Variants in CPEB3 observed in about 807,000 individuals in gnomAD.
CPEB3 encodes the protein cytoplasmic polyadenylation element binding protein 3, also known as cytoplasmic polyadenylation element-binding protein 3.
In CPEB3, 20 loss-of-function variants were observed where a neutral mutation model predicts 67.2. That is an observed-to-expected ratio of 0.30 (90% confidence interval 0.21 to 0.43). CPEB3 has a LOEUF of 0.43. Ranked by LOEUF, CPEB3 falls within the 20% of genes least tolerant of loss-of-function variation. The pLI, the probability that CPEB3 is intolerant of heterozygous loss-of-function variation, is 1.00. For synonymous variants in CPEB3, 376 were observed against 393.1 expected, an observed-to-expected ratio of 0.96 and a Z score of 0.51; for missense variants, 746 against 968.6, an observed-to-expected ratio of 0.77 and a Z score of 3.05.
chr10:92,090,653 T>C (rs1318210230), intron 8 of CPEB3, among the ~76,000 whole-genome samples: 4 of 152,212 alleles, frequency 2.6e-5, no homozygotes, highest in Non-Finnish European at 4.4e-5. Flanking sequence ...AGGATTTCTG[T>C]CCCTCTCCAC....
intron 8 of CPEB3, among the ~76,000 whole-genome samples, chr10:92,081,798 T>C (rs184282286): frequency 6.6e-6 from 1 of 152,206 alleles, no homozygotes; most frequent in African/African-American, 2.4e-5. Context: ...CCTGTTCTAA[T>C]TTCTAATTGC....
chr10:92,056,338 A>C (rs1842110909), intron 9 of CPEB3, among the ~76,000 whole-genome samples: 1 of 152,236 alleles, frequency 6.6e-6, no homozygotes, highest in Non-Finnish European at 1.5e-5. Flanking sequence ...AGATGGAAGA[A>C]TAGAAGTCTC....
In CPEB3 at chr10:92,081,490, T is replaced by C. The variant is rs766935236; in HGVS notation, c.1699A>G (p.Met567Val). 3.1e-6 allele frequency: 5 copies of C among 1,612,630 alleles called. No homozygotes were observed. The highest frequency in any genetic ancestry group is 4.5e-5 in the East Asian group (2 of 44,874). The change falls in exon 9 of 10, where the codon ATG becomes GTG. Residue 567 changes from methionine (M) to valine (V), a missense_variant. Physicochemically the swap from Met to Val is conservative, Grantham distance 21. Coordinates refer to ENST00000265997, the MANE Select transcript of CPEB3 (RefSeq NM_014912.5). The stretch of plus-strand genomic sequence containing the variant: ...CCACCGTACAAACGGTCCATGATCA[T>C]TGCCAGTTCAACTGCAAAAAAAAAA... ...PRPLRAVELA[M>V]IMDRLYGGVC...
At chr10:92,120,098 CAAA>C (rs34785763) in intron 6 of CPEB3, among the ~76,000 whole-genome samples, 6 of 45,282 alleles carry the variant, frequency 1.3e-4, no homozygotes, top group Non-Finnish European at 1.9e-4. Context: ...ACTAAAAATA[CAAA>C]AAAAAAAAAA....
chr10:92,114,491 A>G (rs1181994507), intron 6 of CPEB3, among the ~76,000 whole-genome samples: 2 of 152,256 alleles, frequency 1.3e-5, no homozygotes, highest in East Asian at 3.8e-4. Flanking sequence ...ACTAGGAGAC[A>G]GAAGGTCTAG....
chr10:92,180,401 T>C (rs1848410398), intron 4 of CPEB3, among the ~76,000 whole-genome samples: 1 of 152,198 alleles, frequency 6.6e-6, no homozygotes, highest in African/African-American at 2.4e-5. Flanking sequence ...TCACATTATA[T>C]TCTCTACCCC....
intron 3 of CPEB3, among the ~76,000 whole-genome samples, chr10:92,181,948 G>C (rs1002607112): frequency 6.6e-6 from 1 of 151,914 alleles, no homozygotes; most frequent in Non-Finnish European, 1.5e-5. Context: ...TAATTATTTG[G>C]GACAAGGAGG....
Position 92,240,371 on chromosome 10 carries a change from GA to G in CPEB3, c.-11-11del. The G allele has an allele frequency of 2.8e-6, 4 of 1,438,458 alleles. No homozygotes were observed. The highest frequency in any genetic ancestry group is 1.5e-5 in the South Asian group (1 of 65,800). 89.1% of individuals were successfully genotyped at this position (1,438,458 alleles called of 1,614,324 possible). ...TGCATGGTTTGCGCAGCTGAAACGG[GA>G]AAAAAGAGAGACGCGTTATTGTCAA... On this transcript the variant is annotated splice_polypyrimidine_tract_variant and intron_variant, in intron 1 of 9. Coordinates refer to ENST00000265997, the MANE Select transcript of CPEB3 (RefSeq NM_014912.5).
chr10:92,091,452 G>GA (rs1365653505), intron 8 of CPEB3, among the ~76,000 whole-genome samples: 3 of 151,240 alleles, frequency 2.0e-5, no homozygotes, highest in Non-Finnish European at 2.9e-5. Flanking sequence ...TTCATCACTG[G>GA]AAAGGAACTT....
At chr10:92,211,117 T>C (rs935632249) in intron 2 of CPEB3, among the ~76,000 whole-genome samples, 1 of 152,204 alleles carries the variant, frequency 6.6e-6, no homozygotes, top group African/African-American at 2.4e-5. Flanking sequence ...AAATATCTTA[T>C]AAGTGAGAAT....
intron 6 of CPEB3, among the ~76,000 whole-genome samples, chr10:92,139,740 C>G (rs1846303795): frequency 6.6e-6 from 1 of 152,000 alleles, no homozygotes; most frequent in Non-Finnish European, 1.5e-5. Flanking sequence ...GATGAATACC[C>G]CATTTACCCT....
chr10:92,190,105 C>T (rs1031172159), intron 3 of CPEB3, among the ~76,000 whole-genome samples: 4 of 151,868 alleles, frequency 2.6e-5, no homozygotes, highest in Admixed American at 6.6e-5. Context: ...TGGTGACACC[C>T]CGTCTCTACT....
At chr10:92,155,141 G>A (rs777806702) in intron 4 of CPEB3, among the ~76,000 whole-genome samples, 2 of 152,124 alleles carry the variant, frequency 1.3e-5, no homozygotes, top group African/African-American at 2.4e-5. Context: ...CCCGTGAGGC[G>A]GAGGTTGCAG....
intron 1 of CPEB3, among the ~76,000 whole-genome samples, chr10:92,287,363 TA>T: frequency 6.6e-6 from 1 of 152,348 alleles, no homozygotes; most frequent in East Asian, 1.9e-4. Flanking sequence ...CTTAATAATC[TA>T]GACTTTTTTC....
In CPEB3 at chr10:92,239,645, A is replaced by AGGC; in HGVS notation, c.703_705dup (p.Ala235dup). 5.1e-6 allele frequency: 8 copies of AGGC among 1,561,298 alleles called. No individual in the cohort carries two copies. The South Asian group carries it at 8.2e-5, about 16-fold the overall frequency. ...GTGTTCCAGCTGGACGAGGCCGACG[A>AGGC]GGCGGCGGCTGCGGCAGCAGCGGCT... On this transcript the variant is annotated inframe_insertion, in exon 2 of 10. Coordinates refer to ENST00000265997, the MANE Select transcript of CPEB3 (RefSeq NM_014912.5). This position sits in a 1 kb window ranked among gnomAD's most constrained non-coding sequence, Gnocchi z 6.0.
intron 9 of CPEB3, 145 bp downstream of exon 9, chr10:92,081,175 T>TAA (rs2133212864): frequency 4.8e-6 from 4 of 830,560 alleles, no homozygotes; most frequent in South Asian, 4.7e-5. Flanking sequence ...GCTCTCTTTT[T>TAA]CAGGCAGCCT....
intron 4 of CPEB3, among the ~76,000 whole-genome samples, chr10:92,168,328 G>A (rs1177035044): frequency 1.3e-5 from 2 of 152,196 alleles, no homozygotes; most frequent in African/African-American, 4.8e-5. Flanking sequence ...GGAGCTAATA[G>A]AAAAGTGTTT....
At chr10:92,132,395 TC>T (rs1170732955) in intron 6 of CPEB3, among the ~76,000 whole-genome samples, 1 of 152,120 alleles carries the variant, frequency 6.6e-6, no homozygotes, top group Non-Finnish European at 1.5e-5. Context: ...GATGTCAATG[TC>T]AAAAGTAAAG....
intron 1 of CPEB3, among the ~76,000 whole-genome samples, chr10:92,252,750 G>A (rs991486360): frequency 6.6e-6 from 1 of 151,972 alleles, no homozygotes; most frequent in African/African-American, 2.4e-5. Context: ...AAATTCCTGA[G>A]TTCAAGTGAT....
Sources: gnomAD v4.1 joint callset for allele counts (sites outside exome capture counted in the v4.1 genomes callset) on GRCh38, gnomAD v4.1.1 for gene constraint, Gnocchi (gnomAD v3.1) non-coding constraint, MANE v1.5 for transcripts, NCBI Gene and HGNC (gene_info 2026-07-23, HGNC 2026-07-21) for gene names.